Variants in NRXN3 observed in about 807,000 individuals in gnomAD.
NRXN3 encodes the protein neurexin 3, also known as neurexin III.
In NRXN3, 32 loss-of-function variants were observed where a neutral mutation model predicts 137.6. That is an observed-to-expected ratio of 0.23 (90% CI 0.18 to 0.31). The LOEUF is 0.31. NRXN3 is among the 10% of genes least tolerant of loss of function. NRXN3 has a pLI of 1.00. For synonymous variants in NRXN3, 798 were observed against 784.5 expected (o/e 1.02, Z -0.29); for missense variants, 1,574 against 2,062.5 (o/e 0.76, Z 4.59).
intron 15 of NRXN3, among the ~76,000 whole-genome samples, chr14:79,093,661 A>G (rs1440033537): frequency 6.6e-6 from 1 of 152,226 alleles, no homozygotes; most frequent in Non-Finnish European, 1.5e-5. Context: ...GAGAAACAGC[A>G]TAAACCATGG....
At chr14:79,506,312 C>T (rs1567323121) in intron 16 of NRXN3, among the ~76,000 whole-genome samples, 1 of 152,154 alleles carries the variant, frequency 6.6e-6, no homozygotes, top group Non-Finnish European at 1.5e-5. Context: ...TACCACTTTA[C>T]CTGAACATAG....
chr14:79,001,102 C>G (rs542870362), intron 15 of NRXN3, among the ~76,000 whole-genome samples: 11 of 152,248 alleles, frequency 7.2e-5, no homozygotes, highest in African/African-American at 2.6e-4. Context: ...GAAGCTGCAT[C>G]TCTTGTCACA....
intron 15 of NRXN3, among the ~76,000 whole-genome samples, chr14:79,445,621 C>G (rs1158769372): frequency 3.9e-5 from 6 of 152,132 alleles, no homozygotes; most frequent in Admixed American, 2.0e-4. Context: ...GGAGATCACC[C>G]TTGGCTTGAG....
chr14:79,025,323 A>G (rs1188810023), intron 15 of NRXN3, among the ~76,000 whole-genome samples: 2 of 152,126 alleles, frequency 1.3e-5, no homozygotes, highest in Non-Finnish European at 2.9e-5. Flanking sequence ...CTGCCATCTT[A>G]CTGTTGGAAC....
intron 15 of NRXN3, among the ~76,000 whole-genome samples, chr14:79,249,897 AAAT>A (rs1279292230): frequency 6.6e-6 from 1 of 152,210 alleles, no homozygotes; most frequent in East Asian, 1.9e-4. Context: ...TTAAATTTTG[AAAT>A]AATAAATGAC....
rs2081672994 is a variant in NRXN3 at position 79,283,656 on chromosome 14, TTG to T, written c.3263-183561_3263-183560del. Among the ~76,000 whole-genome samples, 6 of 151,970 alleles carry T rather than the reference TTG, an allele frequency of 3.9e-5. No individual in the cohort carries two copies. In the South Asian group the frequency reaches 1.2e-3, roughly 32 times the overall value. Reference sequence around the variant, plus strand: ...GCCCCCAAAAAATCTCACATTAGGATTGTGTTTCAGGATAGGATTAACCTTCT... The same window carrying T: ...GCCCCCAAAAAATCTCACATTAGGATTGTTTCAGGATAGGATTAACCTTCT... On this transcript the variant is annotated intron_variant, in intron 15 of 20. Transcript: ENST00000335750.
rs540216459 is a variant in NRXN3 at position 79,427,695 on chromosome 14, G to A, written c.3263-39526G>A. 5.9e-5 allele frequency among the ~76,000 whole-genome samples: 9 copies of A among 152,084 alleles called. No individual in the cohort carries two copies. In the East Asian group the frequency reaches 1.7e-3, roughly 30 times the overall value. ...AAAAATACAAAAATTGGTCGGGAGT[G>A]GTGGCATGTGCCTGTAATCCCGGCT... On this transcript the variant is annotated intron_variant, in intron 15 of 20. Coordinates refer to ENST00000335750, the MANE Select transcript of NRXN3 (RefSeq NM_001330195.2).
chr14:79,778,442 A>AC (rs2099104302), intron 19 of NRXN3, among the ~76,000 whole-genome samples: 1 of 152,008 alleles, frequency 6.6e-6, no homozygotes, highest in Non-Finnish European at 1.5e-5. Flanking sequence ...ACAAAACAAA[A>AC]CAAAAAAAGA....
intron 15 of NRXN3, among the ~76,000 whole-genome samples, chr14:79,036,319 T>C (rs1180000487): frequency 6.6e-6 from 1 of 152,068 alleles, no homozygotes; most frequent in Non-Finnish European, 1.5e-5. Context: ...CTTGTTCTAA[T>C]GTCCTTTCTA....
chr14:78,662,529 C>A (rs949387048), intron 6 of NRXN3, among the ~76,000 whole-genome samples: 4 of 152,066 alleles, frequency 2.6e-5, no homozygotes, highest in Non-Finnish European at 5.9e-5. Context: ...CTCCAACACT[C>A]AAGGCATCCA....
intron 16 of NRXN3, among the ~76,000 whole-genome samples, chr14:79,511,111 G>C (rs1192773249): frequency 5.9e-5 from 9 of 152,286 alleles, no homozygotes; most frequent in Admixed American, 5.9e-4. Flanking sequence ...GGGACAAACA[G>C]GAAAAACGGA....
chr14:79,807,918 T>C (rs901841265), intron 20 of NRXN3, among the ~76,000 whole-genome samples: 1 of 152,164 alleles, frequency 6.6e-6, no homozygotes, highest in Non-Finnish European at 1.5e-5. Context: ...ATATTCCTAG[T>C]AATGCAGAGA....
At chr14:79,165,341 A>G (rs1035880446) in intron 15 of NRXN3, among the ~76,000 whole-genome samples, 1 of 152,148 alleles carries the variant, frequency 6.6e-6, no homozygotes, top group African/African-American at 2.4e-5. Context: ...TAGAAGAATG[A>G]GAAGGAATCT....
intron 15 of NRXN3, among the ~76,000 whole-genome samples, chr14:79,337,432 A>T (rs1355246784): frequency 6.6e-6 from 1 of 152,194 alleles, no homozygotes; most frequent in African/African-American, 2.4e-5. Flanking sequence ...TCCCTCACAG[A>T]TGCAGGAGCT....
intron 10 of NRXN3, among the ~76,000 whole-genome samples, chr14:78,811,696 T>G (rs1218767428): frequency 1.3e-5 from 2 of 152,170 alleles, no homozygotes; most frequent in African/African-American, 4.8e-5. Flanking sequence ...TCTTTCTTGG[T>G]AGAAGATATA....
In NRXN3 at chr14:79,451,107, T is replaced by G. The variant is rs575945891; in HGVS notation, c.3263-16114T>G. Reference sequence around the variant, plus strand: ...GACACAAATGGTGGCTCCAGGATTCTCCTTCCACTCTTATGACACATGGCT... The same window carrying G: ...GACACAAATGGTGGCTCCAGGATTCGCCTTCCACTCTTATGACACATGGCT... On this transcript the variant is annotated intron_variant, in intron 15 of 20. Coordinates refer to ENST00000335750, the MANE Select transcript of NRXN3 (RefSeq NM_001330195.2). 2.7e-3 allele frequency among the ~76,000 whole-genome samples: 408 copies of G among 150,370 alleles called. 3 individuals are homozygous for G. The highest frequency in any genetic ancestry group is 9.6e-3 in the African/African-American group (392 of 40,754).
intron 10 of NRXN3, among the ~76,000 whole-genome samples, chr14:78,945,841 C>T (rs561833364): frequency 6.6e-6 from 1 of 152,314 alleles, no homozygotes; most frequent in South Asian, 2.1e-4. Context: ...CCTGAAGAGG[C>T]AGCTCTGATT....
At chr14:79,388,525 C>T (rs1033380166) in intron 15 of NRXN3, among the ~76,000 whole-genome samples, 1 of 152,066 alleles carries the variant, frequency 6.6e-6, no homozygotes, top group African/African-American at 2.4e-5. Flanking sequence ...CAAGACAGTT[C>T]TTTCAGAGGA....
chr14:78,734,922 G>A lies in NRXN3; in HGVS notation c.2044+19783G>A, dbSNP rs78417262. Among the ~76,000 whole-genome samples, 1,763 of 152,282 alleles carry A rather than the reference G, an allele frequency of 0.012. 110 individuals are homozygous for A. In the East Asian group the frequency reaches 0.21, roughly 18 times the overall value. On this transcript the variant is annotated intron_variant, in intron 8 of 20. Coordinates refer to ENST00000335750, the MANE Select transcript of NRXN3 (RefSeq NM_001330195.2). Reference sequence around the variant, plus strand: ...TACTGATTTAGAATTTATCCTAAAAGTAATGGCAGACCCTTGAACAGCTAT... The same window carrying A: ...TACTGATTTAGAATTTATCCTAAAAATAATGGCAGACCCTTGAACAGCTAT...
Sources: allele counts gnomAD v4.1 joint callset (sites outside exome capture counted in the v4.1 genomes callset), GRCh38; gene constraint gnomAD v4.1.1; transcripts MANE v1.5; gene names NCBI Gene and HGNC (gene_info 2026-07-23, HGNC 2026-07-21).